EHBP1: variants seen among roughly 807,000 people sequenced by gnomAD.
EHBP1 encodes the protein EH domain-binding protein 1.
In EHBP1, 55 loss-of-function variants were observed where a neutral mutation model predicts 144.0. The ratio of observed to expected loss-of-function variants is 0.38; its 90% CI spans 0.31 to 0.48. EHBP1 has a LOEUF of 0.48. Ranked by LOEUF, EHBP1 falls within the 20% of genes least tolerant of loss-of-function variation. EHBP1 has a pLI of 0.98. For missense variants in EHBP1, 1,200 were observed against 1,364.2 expected (o/e 0.88, Z 1.90); for synonymous variants, 469 against 472.7 (o/e 0.99, Z 0.10).
intron 10 of EHBP1, among the ~76,000 whole-genome samples, chr2:62,911,444 T>C (rs1332741156): frequency 6.6e-6 from 1 of 152,140 alleles, no homozygotes; most frequent in African/African-American, 2.4e-5. Context: ...TTTCCTGTCC[T>C]GTTTAGGAAC....
intron 3 of EHBP1, among the ~76,000 whole-genome samples, chr2:62,750,259 G>C (rs2039556043): frequency 6.6e-6 from 1 of 152,050 alleles, no homozygotes; most frequent in Non-Finnish European, 1.5e-5. Flanking sequence ...CCCATTTCTT[G>C]TTTTTGTTAG....
At chr2:63,010,527 CT>C (rs2060221281) in intron 19 of EHBP1, among the ~76,000 whole-genome samples, 1 of 151,508 alleles carries the variant, frequency 6.6e-6, no homozygotes, top group South Asian at 2.1e-4. Flanking sequence ...AAATCGTAGT[CT>C]ACCTTACTCA....
At chr2:62,687,183 C>G (rs1319437817) in intron 1 of EHBP1, among the ~76,000 whole-genome samples, 1 of 152,132 alleles carries the variant, frequency 6.6e-6, no homozygotes, top group Non-Finnish European at 1.5e-5. Context: ...CTCTAAGATC[C>G]CTGCCAGTTC....
At chr2:63,001,791 C>T (rs72890520) in intron 19 of EHBP1, among the ~76,000 whole-genome samples, 2,416 of 152,232 alleles carry the variant, frequency 0.016, 60 homozygotes, top group African/African-American at 0.054. Flanking sequence ...GAGCCTGACT[C>T]CCAGATACCA....
At chr2:63,018,444 T>C (rs1249778258) in intron 19 of EHBP1, among the ~76,000 whole-genome samples, 1 of 152,214 alleles carries the variant, frequency 6.6e-6, no homozygotes, top group Non-Finnish European at 1.5e-5. Context: ...AGCACTTAAT[T>C]GTTGAATCAT....
At chr2:63,024,515 T>G (rs573147269) in intron 19 of EHBP1, among the ~76,000 whole-genome samples, 2 of 150,702 alleles carry the variant, frequency 1.3e-5, no homozygotes, top group Non-Finnish European at 2.9e-5. Context: ...GGCAGGAGGA[T>G]TGCCTGAACC....
intron 10 of EHBP1, among the ~76,000 whole-genome samples, chr2:62,891,665 A>G (rs2052469607): frequency 6.6e-6 from 1 of 152,154 alleles, no homozygotes; most frequent in African/African-American, 2.4e-5. Context: ...GTTGTAATCT[A>G]AGGATTAATA....
Position 62,955,624 on chromosome 2 carries a change from C to T in EHBP1, c.2424C>T (p.Asn808=), listed in dbSNP as rs754793319. The T allele has an allele frequency of 3.7e-6, 6 of 1,612,340 alleles. No homozygotes were observed. The highest frequency in any genetic ancestry group is 1.3e-5 in the African/African-American group (1 of 75,018). Residue 808 remains asparagine, a synonymous_variant, in exon 14 of 23, where the codon AAC becomes AAT. Transcript: ENST00000431489. ...ALKAGNKHNT[N]TATPFCNRQL... ...AGGCGGGGAATAAGCACAATACCAA[C>T]ACAGCCACCCCATTCTGCAACAGGC...
In EHBP1 at chr2:62,908,009, G is replaced by A. The variant is rs56369944; in HGVS notation, c.1185+33477G>A. 9.4e-3 allele frequency among the ~76,000 whole-genome samples: 1,436 copies of A among 152,270 alleles called. 13 individuals carry two copies. The highest frequency in any genetic ancestry group is 0.015 in the Non-Finnish European group (1,039 of 67,990). ...AAGGAAATGTTACTGGCATCTAGTG[G>A]AATTATTTGTGTAGACTGGGTTCAT... On this transcript the variant is annotated intron_variant, in intron 10 of 22. Coordinates refer to ENST00000431489, the MANE Select transcript of EHBP1 (RefSeq NM_001142616.3).
intron 7 of EHBP1, among the ~76,000 whole-genome samples, chr2:62,843,051 T>C (rs1322808324): frequency 2.0e-5 from 3 of 152,238 alleles, no homozygotes; most frequent in Non-Finnish European, 4.4e-5. Context: ...AATTTTCTTT[T>C]AGACAGTTTA....
At chr2:62,706,499 T>C (rs1475886014) in intron 1 of EHBP1, 1 of 152,216 alleles carries the variant, frequency 6.6e-6, no homozygotes, top group South Asian at 2.1e-4. Context: ...GGCTATTAAT[T>C]ATCGACTGAA....
rs2048758375 is a variant in EHBP1, at chr2:62,852,606, A to G, written c.635-6563A>G. Among the ~76,000 whole-genome samples the G allele has an allele frequency of 2.0e-5, 3 of 152,074 alleles. No homozygotes were observed. In the South Asian group the frequency reaches 6.2e-4, roughly 32 times the overall value. ...TAGTAATTGTTAGCTGCTGTTGTTA[A>G]TATTTCTTTTTATATGTTCAAAGTT... On this transcript the variant is annotated intron_variant, in intron 7 of 22. Transcript: ENST00000431489.
At chr2:62,959,289 A>T (rs553457543) in intron 14 of EHBP1, among the ~76,000 whole-genome samples, 3 of 152,248 alleles carry the variant, frequency 2.0e-5, no homozygotes, top group African/African-American at 7.2e-5. Flanking sequence ...ATAGACATTT[A>T]GGTGGTTTTC....
intron 7 of EHBP1, among the ~76,000 whole-genome samples, chr2:62,834,756 AT>A (rs756912881): frequency 1.2e-3 from 178 of 152,308 alleles, no homozygotes; most frequent in Middle Eastern, 0.01. Flanking sequence ...CCTATACAAT[AT>A]GTTTTTTCAG....
chr2:62,712,809 A>G (rs2151852192), intron 2 of EHBP1, among the ~76,000 whole-genome samples: 1 of 152,230 alleles, frequency 6.6e-6, no homozygotes, highest in Middle Eastern at 3.4e-3. Context: ...GAGATGCTTG[A>G]TTTTGAGGAT....
chr2:62,922,042 G>A (rs1574067999), intron 10 of EHBP1, among the ~76,000 whole-genome samples: 2 of 152,136 alleles, frequency 1.3e-5, no homozygotes, highest in Non-Finnish European at 2.9e-5. Context: ...AGGCATGGTG[G>A]CAGGCACCTG....
chr2:63,032,301 C>T lies in EHBP1; in HGVS notation c.3104-5234C>T, dbSNP rs13393350. On this transcript the variant is annotated intron_variant, in intron 19 of 22. Transcript: ENST00000431489. Reference sequence around the variant, plus strand: ...AGGTCAGTTCAGGCTGGGCGCGGTGCCTCACGCCTGTAATCCCAGCGTTTT... The same window carrying T: ...AGGTCAGTTCAGGCTGGGCGCGGTGTCTCACGCCTGTAATCCCAGCGTTTT... Among the ~76,000 whole-genome samples the T allele has an allele frequency of 6.8e-4, 102 of 149,338 alleles. No homozygotes were observed. In the Middle Eastern group the frequency reaches 0.011, roughly 16 times the overall value.
chr2:62,855,103 A>G (rs2048948579), intron 7 of EHBP1, among the ~76,000 whole-genome samples: 1 of 152,220 alleles, frequency 6.6e-6, no homozygotes, highest in Non-Finnish European at 1.5e-5. Flanking sequence ...CTGCAGACCC[A>G]GACATCCCTG....
upstream of EHBP1, among the ~76,000 whole-genome samples, chr2:62,702,669 G>T (rs1291411697): frequency 4.6e-5 from 7 of 152,288 alleles, no homozygotes; most frequent in East Asian, 9.6e-4. Flanking sequence ...AAATAATATT[G>T]AATGTACTCT....
Sources: gnomAD v4.1 joint callset for allele counts (sites outside exome capture counted in the v4.1 genomes callset) on GRCh38, gnomAD v4.1.1 for gene constraint, MANE v1.5 for transcripts, NCBI Gene and HGNC (gene_info 2026-07-23, HGNC 2026-07-21) for gene names.